HBS1L: variants seen among roughly 807,000 people sequenced by gnomAD.
HBS1L encodes HBS1-like protein.
Under a neutral mutation model 88.9 loss-of-function variants are expected in HBS1L, and 55 were observed. That is an observed-to-expected ratio of 0.62 (90% CI 0.50 to 0.77). The LOEUF is 0.77. Ranked by LOEUF, HBS1L falls within the 30% of genes least tolerant of loss-of-function variation. HBS1L has a pLI of 0.00. For missense variants in HBS1L, 741 were observed against 829.3 expected, an observed-to-expected ratio of 0.89 and a Z score of 1.31; for synonymous variants, 267 against 288.5, an observed-to-expected ratio of 0.93 and a Z score of 0.76.
rs77481690 is a variant in HBS1L, at chr6:134,962,735, A to T, written c.*2544T>A. ...AAACAGTAAAATCATAAAAAAGAAGACAGTCAGGACAAGAAATACCTGAAG... is the reference window on the plus strand; with the variant it reads ...AAACAGTAAAATCATAAAAAAGAAGTCAGTCAGGACAAGAAATACCTGAAG... On this transcript the variant is annotated 3_prime_UTR_variant, in exon 18 of 18. Coordinates refer to ENST00000367837, the MANE Select transcript of HBS1L (RefSeq NM_006620.4). 1.3e-5 allele frequency: 2 copies of T among 152,254 alleles called. No homozygotes were observed. The highest frequency in any genetic ancestry group is 3.8e-4 in the East Asian group (2 of 5,204). 9.4% of individuals were successfully genotyped at this position (152,254 alleles called of 1,614,324 possible). A position where few individuals can be genotyped will look rare whatever the true frequency, so the allele number is the denominator to read the frequency against.
At chr6:135,036,696 A>G in intron 4 of HBS1L, 1 of 1,551,402 alleles carries the variant, frequency 6.4e-7, no homozygotes, top group Non-Finnish European at 8.7e-7. Flanking sequence ...TACTATAAAG[A>G]AAAGTCTTAT....
rs1774185336 is a variant in HBS1L, at chr6:134,961,385, CT to C, written c.*3893del. On this transcript the variant is annotated 3_prime_UTR_variant, in exon 18 of 18. Transcript: ENST00000367837. ...AAATGGTTTCAGTGTGAAAAAGCAGCTTCTGACCTAGCATTCACACTAGGCG... is the reference window on the plus strand; with the variant it reads ...AAATGGTTTCAGTGTGAAAAAGCAGCTCTGACCTAGCATTCACACTAGGCG... 1 of 152,158 alleles carries C rather than the reference CT, an allele frequency of 6.6e-6. No individual in the cohort carries two copies. The highest frequency in any genetic ancestry group is 1.5e-5 in the Non-Finnish European group (1 of 68,024). 9.4% of individuals were successfully genotyped at this position (152,158 alleles called of 1,614,324 possible).
chr6:135,050,365 T>A (rs1037761178), intron 2 of HBS1L, among the ~76,000 whole-genome samples: 1 of 152,212 alleles, frequency 6.6e-6, no homozygotes, highest in Admixed American at 6.5e-5. Context: ...GAAGCCACAG[T>A]CTTTTTCACA....
At chr6:134,972,172 G>A (rs146661896) in intron 15 of HBS1L, among the ~76,000 whole-genome samples, 5 of 152,186 alleles carry the variant, frequency 3.3e-5, no homozygotes, top group East Asian at 3.9e-4. Flanking sequence ...TCTATTCTTC[G>A]TGTAGGGTTA....
intron 3 of HBS1L, among the ~76,000 whole-genome samples, chr6:135,041,480 G>C (rs905483757): frequency 1.3e-5 from 2 of 151,844 alleles, no homozygotes; most frequent in African/African-American, 4.8e-5. Flanking sequence ...ACTCAGAACC[G>C]ATGTCATTAC....
At chr6:135,046,466 G>A (rs1776916094) in intron 2 of HBS1L, among the ~76,000 whole-genome samples, 1 of 152,030 alleles carries the variant, frequency 6.6e-6, no homozygotes, top group Non-Finnish European at 1.5e-5. Flanking sequence ...TTCAAATAAA[G>A]TTTTATATGC....
intron 9 of HBS1L, 123 bp downstream of exon 9, chr6:134,987,518 GAATT>G: frequency 1.7e-6 from 1 of 583,842 alleles, no homozygotes; most frequent in Non-Finnish European, 2.7e-6. Context: ...TGAGAACAGA[GAATT>G]TATTTTTAAA....
intron 1 of HBS1L, among the ~76,000 whole-genome samples, chr6:135,051,157 C>T (rs1192549220): frequency 6.6e-6 from 1 of 151,468 alleles, no homozygotes; most frequent in African/African-American, 2.4e-5. Flanking sequence ...ACCCAGGAGG[C>T]AAGGTTGCAG....
intron 17 of HBS1L, among the ~76,000 whole-genome samples, chr6:134,965,845 G>GA (rs1218475457): frequency 6.6e-6 from 1 of 152,104 alleles, no homozygotes; most frequent in Non-Finnish European, 1.5e-5. Flanking sequence ...CAACTTAAAA[G>GA]AAAGATTTTT....
chr6:134,984,296 T>C (rs1015639485), intron 12 of HBS1L, among the ~76,000 whole-genome samples: 1 of 152,186 alleles, frequency 6.6e-6, no homozygotes, highest in Non-Finnish European at 1.5e-5. Flanking sequence ...CATTCATTCA[T>C]TTTTTTATTC....
chr6:135,011,238 G>A (rs928091345), intron 4 of HBS1L, among the ~76,000 whole-genome samples: 7 of 152,178 alleles, frequency 4.6e-5, no homozygotes, highest in African/African-American at 1.7e-4. Context: ...GCCTGACTAG[G>A]CGCAGGGGCT....
Position 134,971,121 on chromosome 6 carries a change from C to G in HBS1L, c.1798-1783G>C, listed in dbSNP as rs1208324448. On this transcript the variant is annotated intron_variant, in intron 15 of 17. Transcript: ENST00000367837. ...CATTCAATTAAAAAAAAAAAAAGGG[C>G]ACAGCTGGGCCTGCATTACTCCAAA... Among the ~76,000 whole-genome samples the G allele has an allele frequency of 2.1e-5, 3 of 146,220 alleles. No homozygotes were observed. The East Asian group carries it at 6.0e-4, about 29-fold the overall frequency.
chr6:134,979,135 C>G (rs539855258), intron 14 of HBS1L, 43 bp downstream of exon 14: 1 of 1,392,496 alleles, frequency 7.2e-7, no homozygotes, highest in South Asian at 1.2e-5. Context: ...AGGTGAGGTC[C>G]TATATGAAGA....
chr6:134,999,448 C>CTTTTTT (rs35807723), intron 5 of HBS1L, among the ~76,000 whole-genome samples: 18 of 124,744 alleles, frequency 1.4e-4, no homozygotes, highest in South Asian at 5.2e-4. Flanking sequence ...TTTTTCTTTT[C>CTTTTTT]TTTTTTTTTT....
chr6:134,995,656 A>G (rs1427878291), intron 7 of HBS1L, among the ~76,000 whole-genome samples: 1 of 151,692 alleles, frequency 6.6e-6, no homozygotes, highest in Non-Finnish European at 1.5e-5. Context: ...AAAGAAAACT[A>G]AAAAGCCACA....
chr6:134,996,107 T>G (rs2114802368), intron 7 of HBS1L, among the ~76,000 whole-genome samples: 1 of 152,244 alleles, frequency 6.6e-6, no homozygotes, highest in South Asian at 2.1e-4. Flanking sequence ...AGTTGATATA[T>G]CTGCCATTTC....
intron 4 of HBS1L, among the ~76,000 whole-genome samples, chr6:135,034,459 C>T (rs1331267292): frequency 6.6e-6 from 1 of 152,152 alleles, no homozygotes; most frequent in African/African-American, 2.4e-5. Context: ...GCCTGGCCAA[C>T]GTGGTGAAAC....
chr6:135,040,478 A>C (rs916669137), intron 3 of HBS1L, among the ~76,000 whole-genome samples: 1 of 150,642 alleles, frequency 6.6e-6, no homozygotes, highest in African/African-American at 2.4e-5. Flanking sequence ...CAGCCTCCTG[A>C]GTAGCTGGGA....
chr6:135,030,636 A>G (rs1776357645), intron 4 of HBS1L, among the ~76,000 whole-genome samples: 1 of 152,236 alleles, frequency 6.6e-6, no homozygotes, highest in Non-Finnish European at 1.5e-5. Context: ...TTCTGCTAAA[A>G]GCTAATGGCC....
Sources: allele counts gnomAD v4.1 joint callset (sites outside exome capture counted in the v4.1 genomes callset), GRCh38; gene constraint gnomAD v4.1.1; transcripts MANE v1.5; gene names NCBI Gene and HGNC (gene_info 2026-07-23, HGNC 2026-07-21).